AGO3: variants seen among roughly 807,000 people sequenced by gnomAD.
AGO3 encodes argonaute RISC catalytic component 3.
In AGO3, 16 loss-of-function variants were observed where a neutral mutation model predicts 105.5. The ratio of observed to expected loss-of-function variants is 0.15; its 90% CI spans 0.10 to 0.23. The LOEUF (loss-of-function observed/expected upper bound fraction) is 0.23, where lower values mean the gene tolerates loss of function less well. Among genes scored for constraint, AGO3 ranks in the 10% least tolerant of loss-of-function variants. The pLI is 1.00. For missense variants in AGO3, 534 were observed against 1,088.0 expected (o/e 0.49, Z 7.16); for synonymous variants, 340 against 367.3 (o/e 0.93, Z 0.85).
At chr1:35,954,865 A>G (rs1486013256) in intron 2 of AGO3, among the ~76,000 whole-genome samples, 1 of 152,228 alleles carries the variant, frequency 6.6e-6, no homozygotes, top group Non-Finnish European at 1.5e-5. Flanking sequence ...GTAAAAATAT[A>G]TCATCTTATG....
chr1:35,987,454 C>T (rs1647234562), intron 5 of AGO3, among the ~76,000 whole-genome samples: 1 of 151,830 alleles, frequency 6.6e-6, no homozygotes, highest in African/African-American at 2.4e-5. Context: ...GATCACGCCA[C>T]TGCACTCCAG....
intron 17 of AGO3, among the ~76,000 whole-genome samples, chr1:36,054,532 TC>T (rs929624775): frequency 3.9e-5 from 6 of 152,040 alleles, no homozygotes; most frequent in Non-Finnish European, 8.8e-5. Context: ...CACTTTAACC[TC>T]CCAAAGTGCC....
rs745966662 is a variant in AGO3 at position 36,055,162 on chromosome 1, A to G, written c.2474+17A>G. 3.2e-6 allele frequency: 5 copies of G among 1,567,282 alleles called. No individual in the cohort carries two copies. In the African/African-American group the frequency reaches 5.4e-5, roughly 17 times the overall value. On this transcript the variant is annotated intron_variant, in intron 18 of 18. Coordinates refer to ENST00000373191, the MANE Select transcript of AGO3 (RefSeq NM_024852.4). This position sits in a 1 kb window ranked among gnomAD's most constrained non-coding sequence, Gnocchi z 4.4. Reference sequence around the variant, plus strand: ...ACATGACAGGTAATATAAAAGCATAACAGGTTCTCACCCAAATCCCAATAT... The same window carrying G: ...ACATGACAGGTAATATAAAAGCATAGCAGGTTCTCACCCAAATCCCAATAT...
At chr1:35,932,923 T>C (rs889412024) in intron 1 of AGO3, among the ~76,000 whole-genome samples, 1 of 152,194 alleles carries the variant, frequency 6.6e-6, no homozygotes, top group African/African-American at 2.4e-5. Context: ...TTTAAAGTTT[T>C]TTCTTTTTCT....
intron 5 of AGO3, among the ~76,000 whole-genome samples, chr1:35,996,573 C>G (rs192838033): frequency 1.4e-4 from 22 of 152,012 alleles, no homozygotes; most frequent in African/African-American, 4.8e-4. Context: ...GAGTTCGAGA[C>G]CAGCCCAACC....
intron 17 of AGO3, among the ~76,000 whole-genome samples, chr1:36,052,942 C>T (rs1642776874): frequency 1.3e-5 from 2 of 151,810 alleles, no homozygotes; most frequent in South Asian, 4.2e-4. Flanking sequence ...CCTGGGAGGT[C>T]GAGACTGCAG....
intron 1 of AGO3, among the ~76,000 whole-genome samples, chr1:35,934,296 A>G (rs533938942): frequency 3.4e-4 from 52 of 152,358 alleles, no homozygotes; most frequent in Non-Finnish European, 5.4e-4. Flanking sequence ...TTATAATGGA[A>G]GAAAAACATT....
chr1:36,003,709 A>AAAAAAATATATATAT (rs1295618675), intron 5 of AGO3, among the ~76,000 whole-genome samples: 4 of 99,436 alleles, frequency 4.0e-5, no homozygotes, highest in South Asian at 7.6e-4. Context: ...AAAAAAAAAA[A>AAAAAAATATATATAT]ATATATATAT....
At chr1:36,044,749 T>G (rs1191511315) in intron 17 of AGO3, among the ~76,000 whole-genome samples, 1 of 152,156 alleles carries the variant, frequency 6.6e-6, no homozygotes, top group East Asian at 1.9e-4. Context: ...GCCTTAAGTT[T>G]CAGTTAAATA....
chr1:36,028,114 T>G (rs1353372621), intron 12 of AGO3, among the ~76,000 whole-genome samples: 1 of 152,156 alleles, frequency 6.6e-6, no homozygotes, highest in African/African-American at 2.4e-5. Flanking sequence ...CAATCATGGC[T>G]TACTGCAGCC....
At chr1:35,972,622 CAT>C (rs1306883971) in intron 4 of AGO3, among the ~76,000 whole-genome samples, 1 of 151,936 alleles carries the variant, frequency 6.6e-6, no homozygotes, top group African/African-American at 2.4e-5. Context: ...TAGGACCTCA[CAT>C]GTGTAGGGTA....
rs780044241 is a variant in AGO3 at position 36,057,603 on chromosome 1, TA to T, written c.*1862del. 2.0e-5 allele frequency: 3 copies of T among 152,134 alleles called. No homozygotes were observed. The highest frequency in any genetic ancestry group is 1.3e-4 in the Admixed American group (2 of 15,262). The allele number at this position is 152,134 out of a possible 1,614,324, so 9.4% of individuals were successfully genotyped here. ...AGGAGGAACAGGCACCTCCATAGTT[TA>T]AAAGGGCAAAGAATACAGCCTTAAT... On this transcript the variant is annotated 3_prime_UTR_variant, in exon 19 of 19. Coordinates refer to ENST00000373191, the MANE Select transcript of AGO3 (RefSeq NM_024852.4).
chr1:35,993,394 T>C (rs1402938700), intron 5 of AGO3, among the ~76,000 whole-genome samples: 1 of 151,918 alleles, frequency 6.6e-6, no homozygotes, highest in Non-Finnish European at 1.5e-5. Context: ...AATCAGGAAA[T>C]TAGGAAAAAG....
chr1:35,995,897 C>G lies in AGO3; in HGVS notation c.659-8444C>G, dbSNP rs140621834. Among the ~76,000 whole-genome samples, 408 of 152,168 alleles carry G rather than the reference C, an allele frequency of 2.7e-3. 1 individual carries two copies. The highest frequency in any genetic ancestry group is 8.9e-3 in the African/African-American group (368 of 41,520). The stretch of plus-strand genomic sequence containing the variant: ...TTTACCATGTTGGCCAGGCTGGTCT[C>G]GAACTCCCTGACCTCAAGTGATGCA... On this transcript the variant is annotated intron_variant, in intron 5 of 18. Transcript: ENST00000373191.
At chr1:35,959,738 TTA>T (rs1473888070) in intron 2 of AGO3, among the ~76,000 whole-genome samples, 1 of 152,130 alleles carries the variant, frequency 6.6e-6, no homozygotes, top group African/African-American at 2.4e-5. Context: ...AGTTATCAGT[TTA>T]TGTTAATTAC....
chr1:36,021,190 C>T (rs1641201770), intron 11 of AGO3, among the ~76,000 whole-genome samples: 1 of 152,086 alleles, frequency 6.6e-6, no homozygotes, highest in Non-Finnish European at 1.5e-5. Flanking sequence ...CCTCAGCCTC[C>T]CAAAATGCTA....
intron 1 of AGO3, among the ~76,000 whole-genome samples, chr1:35,944,879 T>C (rs143336614): frequency 1.2e-4 from 18 of 152,232 alleles, no homozygotes; most frequent in African/African-American, 4.3e-4. Flanking sequence ...CTTGGCGCAT[T>C]GCAAACTCTG....
intron 14 of AGO3, among the ~76,000 whole-genome samples, chr1:36,038,515 A>G (rs1331015130): frequency 6.6e-6 from 1 of 152,054 alleles, no homozygotes; most frequent in East Asian, 1.9e-4. Flanking sequence ...TCGGCCTCCC[A>G]AAGTTCTGGG....
intron 9 of AGO3, among the ~76,000 whole-genome samples, chr1:36,009,849 A>G (rs1356965721): frequency 6.6e-6 from 1 of 151,896 alleles, no homozygotes. Flanking sequence ...AAATGTTTCC[A>G]TTTAGTAAAC....
Sources: gnomAD v4.1 joint callset for allele counts (sites outside exome capture counted in the v4.1 genomes callset) on GRCh38, gnomAD v4.1.1 for gene constraint, Gnocchi (gnomAD v3.1) non-coding constraint, MANE v1.5 for transcripts, NCBI Gene and HGNC (gene_info 2026-07-23, HGNC 2026-07-21) for gene names.